The following BPNT2 variants were observed in gnomAD, a reference collection of about 807,000 sequenced individuals.
The protein encoded by BPNT2 is 3'(2'), 5'-bisphosphate nucleotidase 2.
Under a neutral mutation model 29.3 loss-of-function variants are expected in BPNT2, and 11 were observed. The ratio of observed to expected loss-of-function variants is 0.38; its 90% CI spans 0.24 to 0.62. The LOEUF (loss-of-function observed/expected upper bound fraction) is 0.62. Among genes scored for constraint, BPNT2 ranks in the 20% least tolerant of loss-of-function variants. The probability of loss-of-function intolerance (pLI) is 0.62; values close to 1 mark genes in which losing one functional copy is unlikely to be tolerated. For synonymous variants in BPNT2, 195 were observed against 187.7 expected (o/e 1.04, Z -0.32); for missense variants, 459 against 473.4 (o/e 0.97, Z 0.28).
chr8:56,974,738 C>CTT (rs35306780), intron 3 of BPNT2, among the ~76,000 whole-genome samples: 2 of 152,176 alleles, frequency 1.3e-5, no homozygotes, highest in African/African-American at 4.8e-5. Context: ...ATATTACTAA[C>CTT]TTAAAAAGAC....
In BPNT2 at chr8:56,960,848, T is replaced by C. The variant is rs905666321; in HGVS notation, c.*2945A>G. Reference sequence around the variant, plus strand: ...TCCTTTACTTTGTGAGGAGTCTTTGTAATCTAATAGTGAACTAGGCCTCCT... The same window carrying C: ...TCCTTTACTTTGTGAGGAGTCTTTGCAATCTAATAGTGAACTAGGCCTCCT... On this transcript the variant is annotated 3_prime_UTR_variant, in exon 5 of 5. Transcript: ENST00000262644. 128 of 152,342 alleles carry C rather than the reference T, an allele frequency of 8.4e-4. No homozygotes were observed. Among genetic ancestry groups the C allele is most frequent in the African/African-American group, 2.8e-3 (118 of 41,582 alleles). The allele number at this position is 152,342 out of a possible 1,614,324, so 9.4% of individuals were successfully genotyped here. A position where few individuals can be genotyped will look rare whatever the true frequency, so the allele number is the denominator to read the frequency against.
chr8:56,991,738 G>T (rs1222004192), intron 1 of BPNT2, among the ~76,000 whole-genome samples: 1 of 152,092 alleles, frequency 6.6e-6, no homozygotes, highest in South Asian at 2.1e-4. Flanking sequence ...TCAATAAATG[G>T]TTATTATTAG....
In BPNT2 at chr8:56,963,467, T is replaced by C; in HGVS notation, c.*326A>G. 3.8e-6 allele frequency: 1 copy of C among 263,010 alleles called. No homozygotes were observed. Among genetic ancestry groups the C allele is most frequent in the Non-Finnish European group, 7.3e-6 (1 of 137,134 alleles). The allele number at this position is 263,010 out of a possible 1,614,324, so 16.3% of individuals were successfully genotyped here. On this transcript the variant is annotated 3_prime_UTR_variant, in exon 5 of 5. Transcript: ENST00000262644. ...TATATGAAAGTACTAACAGTGAAGA[T>C]TCATGATGTTGTGTGAAAATGGTGA... is the stretch of plus-strand genomic sequence containing the variant.
intron 3 of BPNT2, among the ~76,000 whole-genome samples, chr8:56,972,947 C>T (rs1011725968): frequency 6.6e-6 from 1 of 152,052 alleles, no homozygotes; most frequent in Non-Finnish European, 1.5e-5. Flanking sequence ...GATGGGCTAA[C>T]TCTACTGTTT....
chr8:56,975,365 T>C (rs1806114803), intron 3 of BPNT2, among the ~76,000 whole-genome samples: 1 of 152,202 alleles, frequency 6.6e-6, no homozygotes, highest in Non-Finnish European at 1.5e-5. Context: ...TGTAGCTAAA[T>C]GCCATCCTAA....
intron 1 of BPNT2, among the ~76,000 whole-genome samples, chr8:56,989,264 T>A (rs1806373105): frequency 6.6e-6 from 1 of 151,648 alleles, no homozygotes; most frequent in South Asian, 2.1e-4. Flanking sequence ...CCCAGCTACT[T>A]GGGAGGCTGA....
intron 1 of BPNT2, among the ~76,000 whole-genome samples, chr8:56,990,910 C>T (rs1019156110): frequency 1.3e-5 from 2 of 152,144 alleles, no homozygotes; most frequent in Non-Finnish European, 2.9e-5. Context: ...TTACATAGGG[C>T]ACTAGGATAA....
At chr8:56,987,417 G>A (rs1157359757) in intron 1 of BPNT2, among the ~76,000 whole-genome samples, 3 of 152,214 alleles carry the variant, frequency 2.0e-5, no homozygotes, top group Admixed American at 6.5e-5. Context: ...TGTTTTGAGA[G>A]TGTGAATAGA....
At chr8:56,968,102 G>T (rs1208447870) in intron 3 of BPNT2, among the ~76,000 whole-genome samples, 1 of 152,012 alleles carries the variant, frequency 6.6e-6, no homozygotes, top group Non-Finnish European at 1.5e-5. Context: ...ATTCTAACAT[G>T]ATTAAAAATA....
intron 3 of BPNT2, among the ~76,000 whole-genome samples, chr8:56,973,585 G>T (rs1166901486): frequency 6.6e-6 from 1 of 152,160 alleles, no homozygotes; most frequent in Non-Finnish European, 1.5e-5. Context: ...GGCGTAGAGG[G>T]TTTCAAGATA....
At position 56,959,510 on chromosome 8, in the gene BPNT2, T is replaced by C. The variant is rs1046901858; in HGVS notation, c.*4283A>G. 1 of 152,220 alleles carries C rather than the reference T, an allele frequency of 6.6e-6. No individual in the cohort carries two copies. The highest frequency in any genetic ancestry group is 2.4e-5 in the African/African-American group (1 of 41,462). The allele number at this position is 152,220 out of a possible 1,614,324, so 9.4% of individuals were successfully genotyped here. ...ATGTCATACACAGTATTTTTTAACA[T>C]TAATAAATTATTGATATGCTACCAT... On this transcript the variant is annotated 3_prime_UTR_variant, in exon 5 of 5. Transcript: ENST00000262644.
At chr8:56,977,430 T>C (rs1329109528) in intron 3 of BPNT2, among the ~76,000 whole-genome samples, 3 of 152,168 alleles carry the variant, frequency 2.0e-5, no homozygotes, top group Non-Finnish European at 4.4e-5. Context: ...CATGTGTCTA[T>C]GTCCTTTCTG....
intron 3 of BPNT2, among the ~76,000 whole-genome samples, chr8:56,974,647 TAG>T (rs1277407351): frequency 4.6e-5 from 7 of 152,206 alleles, no homozygotes; most frequent in South Asian, 2.1e-4. Context: ...TTGATTATTT[TAG>T]AGAGTTTGCG....
At position 56,993,470 on chromosome 8, in the gene BPNT2, A is replaced by T. The variant is rs776502522; in HGVS notation, c.116T>A (p.Phe39Tyr). 2.0e-6 allele frequency: 3 copies of T among 1,495,268 alleles called. No individual in the cohort carries two copies. Among genetic ancestry groups the T allele is most frequent in the South Asian group, 1.3e-5 (1 of 77,936 alleles). The allele number at this position is 1,495,268 out of a possible 1,614,324, so 92.6% of individuals were successfully genotyped here. A position where few individuals can be genotyped will look rare whatever the true frequency, so the allele number is the denominator to read the frequency against. The change falls in exon 1 of 5, where the codon TTC (phenylalanine) becomes TAC (tyrosine). Residue 39 changes from phenylalanine to tyrosine, a missense_variant. Coordinates refer to ENST00000262644, the MANE Select transcript of BPNT2 (RefSeq NM_017813.5). Reference protein sequence around the residue: ...SGFLAGRFSLFGLGGEPGGGA... With the variant: ...SGFLAGRFSLYGLGGEPGGGA... ...GCCGCCAGGCTCGCCGCCCAGGCCGAAGAGGCTGAAGCGGCCGGCCAAGAA... is the reference window on the plus strand; with the variant it reads ...GCCGCCAGGCTCGCCGCCCAGGCCGTAGAGGCTGAAGCGGCCGGCCAAGAA...
In BPNT2 at chr8:56,993,351, C is replaced by A. The variant is rs1423540835; in HGVS notation, c.235G>T (p.Asp79Tyr). The change falls in exon 1 of 5, where the codon GAC becomes TAC. Residue 79 changes from aspartate to tyrosine, a missense_variant. By Grantham distance (160) the Asp-to-Tyr change is radical. Coordinates refer to ENST00000262644, the MANE Select transcript of BPNT2 (RefSeq NM_017813.5). The stretch of plus-strand genomic sequence containing the variant: ...CTCTCGCGGACGCGCCTCACCTCGT[C>A]GCCGCCGCGGACTGCGGCCAGCACT... Reference protein sequence around the residue: ...VSVLAAVRGGDEVRRVRESNV... With the variant: ...VSVLAAVRGGYEVRRVRESNV... 3.7e-6 allele frequency: 6 copies of A among 1,610,752 alleles called. No individual in the cohort carries two copies. Among genetic ancestry groups the A allele is most frequent in the Non-Finnish European group, 5.1e-6 (6 of 1,179,892 alleles).
At chr8:56,965,807 A>G (rs745349113) in intron 4 of BPNT2, among the ~76,000 whole-genome samples, 1 of 152,170 alleles carries the variant, frequency 6.6e-6, no homozygotes, top group Non-Finnish European at 1.5e-5. Context: ...AATACTTATG[A>G]TGACTCCTGG....
intron 3 of BPNT2, chr8:56,967,289 C>T (rs1302512662): frequency 6.6e-6 from 3 of 455,716 alleles, no homozygotes; most frequent in African/African-American, 6.0e-5. Context: ...ATGGCAGTCT[C>T]CTGGACTCTT....
chr8:56,982,126 CTT>C (rs539120953), intron 1 of BPNT2, among the ~76,000 whole-genome samples: 16 of 141,458 alleles, frequency 1.1e-4, no homozygotes, highest in South Asian at 2.2e-4. Flanking sequence ...TTAAATATCT[CTT>C]TTTTTTTTTT....
At chr8:56,983,907 C>T (rs1806286148) in intron 1 of BPNT2, among the ~76,000 whole-genome samples, 1 of 151,968 alleles carries the variant, frequency 6.6e-6, no homozygotes, top group African/African-American at 2.4e-5. Flanking sequence ...GATATCAAGA[C>T]CAGAATAATT....
Sources: gnomAD v4.1 joint callset for allele counts (sites outside exome capture counted in the v4.1 genomes callset) on GRCh38, gnomAD v4.1.1 for gene constraint, MANE v1.5 for transcripts, NCBI Gene and HGNC (gene_info 2026-07-23, HGNC 2026-07-21) for gene names.